Variants in AK9 observed in about 807,000 individuals in gnomAD.
AK9 encodes the protein adenylate kinase 9, also known as adenylate kinase domain containing 1.
In AK9, 191 loss-of-function variants were observed where a neutral mutation model predicts 239.6. The observed-to-expected ratio is 0.80, with a 90% CI of 0.71 to 0.90. The LOEUF (loss-of-function observed/expected upper bound fraction) is 0.90, where lower values mean the gene tolerates loss of function less well. Among genes scored for constraint, AK9 ranks in the 40% least tolerant of loss-of-function variants. AK9 has a pLI of 0.00. For missense variants in AK9, 1,995 were observed against 2,214.7 expected (o/e 0.90, Z 1.99); for synonymous variants, 689 against 721.0 (o/e 0.96, Z 0.71).
At chr6:109,513,819 A>T (rs1450617938) in intron 32 of AK9, among the ~76,000 whole-genome samples, 1 of 152,142 alleles carries the variant, frequency 6.6e-6, no homozygotes, top group East Asian at 1.9e-4. Flanking sequence ...GATAGATAGG[A>T]TCTCTGATGT....
chr6:109,498,091 G>GT, intron 36 of AK9, 126 bp from the exon 37 acceptor site: 1 of 824,106 alleles, frequency 1.2e-6, no homozygotes, highest in East Asian at 2.7e-5. Context: ...TCCTCAAACT[G>GT]TAAATAACCT....
rs1244220699 is a variant in AK9, at chr6:109,544,299, T to C, written c.3225+1568A>G. 2.6e-5 allele frequency among the ~76,000 whole-genome samples: 4 copies of C among 152,144 alleles called. No individual in the cohort carries two copies. The East Asian group carries it at 7.7e-4, about 29-fold the overall frequency. On this transcript the variant is annotated intron_variant, in intron 26 of 40. Transcript: ENST00000424296. ...AAATGTGAGTTAGAATGAAGAACTT[T>C]CATTGTATAACTCCAGATAGAAGCC...
chr6:109,661,710 C>G (rs1224132631), intron 6 of AK9, among the ~76,000 whole-genome samples: 1 of 152,202 alleles, frequency 6.6e-6, no homozygotes, highest in Non-Finnish European at 1.5e-5. Flanking sequence ...CCCTGACACT[C>G]CACTGGGTCC....
chr6:109,686,945 A>G (rs1409950656), intron 1 of AK9, among the ~76,000 whole-genome samples: 5 of 152,214 alleles, frequency 3.3e-5, no homozygotes, highest in Non-Finnish European at 7.4e-5. Flanking sequence ...TTTCAAAAAT[A>G]AGCAGCCCAG....
At chr6:109,603,319 G>A (rs575522020) in intron 17 of AK9, among the ~76,000 whole-genome samples, 1 of 152,298 alleles carries the variant, frequency 6.6e-6, no homozygotes, top group South Asian at 2.1e-4. Context: ...AGGTCTGTTG[G>A]AGATTGCTGG....
At chr6:109,560,156 T>A (rs2128178507) in intron 24 of AK9, among the ~76,000 whole-genome samples, 1 of 152,332 alleles carries the variant, frequency 6.6e-6, no homozygotes, top group South Asian at 2.1e-4. Flanking sequence ...ATTCACAGCT[T>A]AGGACATGAA....
intron 1 of AK9, among the ~76,000 whole-genome samples, chr6:109,690,171 A>G (rs571006679): frequency 2.0e-5 from 3 of 152,286 alleles, no homozygotes; most frequent in African/African-American, 7.2e-5. Context: ...GAAGCCCTCT[A>G]GCAGAGGTTT....
At chr6:109,620,692 T>C (rs1448988171) in intron 12 of AK9, among the ~76,000 whole-genome samples, 1 of 152,008 alleles carries the variant, frequency 6.6e-6, no homozygotes, top group East Asian at 1.9e-4. Flanking sequence ...AGTACATGCA[T>C]AGTATTGCAT....
intron 17 of AK9, among the ~76,000 whole-genome samples, chr6:109,598,070 T>TTA (rs1356067684): frequency 1.9e-4 from 29 of 152,070 alleles, no homozygotes; most frequent in Non-Finnish European, 3.4e-4. Context: ...TTTGTGTAAT[T>TTA]TATATATATA....
At chr6:109,638,659 A>G (rs1281032889) in intron 10 of AK9, among the ~76,000 whole-genome samples, 3 of 152,114 alleles carry the variant, frequency 2.0e-5, no homozygotes, top group Admixed American at 2.0e-4. Context: ...TTTTAAAAAA[A>G]TTTTAATTAT....
intron 1 of AK9, among the ~76,000 whole-genome samples, chr6:109,680,152 C>T (rs1192386785): frequency 6.6e-6 from 1 of 152,084 alleles, no homozygotes; most frequent in African/African-American, 2.4e-5. Context: ...ATAACAAACT[C>T]CTCCGAGCTA....
chr6:109,675,601 T>A, intron 2 of AK9, 28 bp downstream of exon 2: 1 of 1,285,706 alleles, frequency 7.8e-7, no homozygotes, highest in Non-Finnish European at 1.0e-6. Flanking sequence ...ATAAAAAAAA[T>A]TATACCAAAT....
chr6:109,610,375 A>G lies in AK9; in HGVS notation c.1832T>C (p.Val611Ala), dbSNP rs1464973880. 6.4e-7 allele frequency: 1 copy of G among 1,551,556 alleles called. No individual in the cohort carries two copies. Among genetic ancestry groups the G allele is most frequent in the East Asian group, 2.4e-5 (1 of 40,860 alleles). The change falls in exon 17 of 41, where the codon GTC becomes GCC. Residue 611 changes from valine to alanine, a missense_variant. Val to Ala is a moderately conservative substitution (Grantham distance 64, BLOSUM62 0). This residue lies in a region of AK9 where 1,290 missense variants were observed against 1,392.7 expected (regional missense o/e 0.93). Coordinates refer to ENST00000424296, the MANE Select transcript of AK9 (RefSeq NM_001145128.3). ...YEKHAEILQE[V>A]LGEVMEENKD... ...AGCTAGATTTTTTACCTCTCCAAGG[A>G]CTTCCTGTAAGATTTCAGCATGTTT...
At chr6:109,542,485 C>T (rs1783026900) in intron 26 of AK9, among the ~76,000 whole-genome samples, 1 of 152,220 alleles carries the variant, frequency 6.6e-6, no homozygotes, top group Non-Finnish European at 1.5e-5. Flanking sequence ...GCTCCCAACA[C>T]ATAGCAATGA....
At chr6:109,515,516 C>T (rs1298503802) in intron 31 of AK9, among the ~76,000 whole-genome samples, 1 of 152,094 alleles carries the variant, frequency 6.6e-6, no homozygotes, top group Non-Finnish European at 1.5e-5. Flanking sequence ...ATTGCTCCTC[C>T]CTGAGAGCTA....
At chr6:109,620,344 G>A (rs1794670569) in intron 12 of AK9, among the ~76,000 whole-genome samples, 1 of 152,222 alleles carries the variant, frequency 6.6e-6, no homozygotes. Flanking sequence ...AAATTTTCTA[G>A]TGGGTGTGAA....
chr6:109,566,557 T>C (rs1224431233), intron 21 of AK9, among the ~76,000 whole-genome samples: 1 of 151,894 alleles, frequency 6.6e-6, no homozygotes, highest in Non-Finnish European at 1.5e-5. Context: ...AAGGCAGAAA[T>C]ACAGGAAGGG....
At chr6:109,663,320 T>C (rs1800696267) in intron 5 of AK9, among the ~76,000 whole-genome samples, 1 of 152,180 alleles carries the variant, frequency 6.6e-6, no homozygotes. Context: ...ATTAATAAAG[T>C]CTCAATTCCT....
intron 12 of AK9, among the ~76,000 whole-genome samples, chr6:109,623,603 A>T (rs1795124742): frequency 6.6e-6 from 1 of 152,112 alleles, no homozygotes; most frequent in Admixed American, 6.6e-5. Context: ...CCACTCCTGA[A>T]TTCCTGACTC....
Sources: allele counts gnomAD v4.1 joint callset (sites outside exome capture counted in the v4.1 genomes callset), GRCh38; gene constraint gnomAD v4.1.1; regional missense constraint gnomAD v4.1.1; transcripts MANE v1.5; gene names NCBI Gene and HGNC (gene_info 2026-07-23, HGNC 2026-07-21).